Variants in MAPK10 observed in about 807,000 individuals in gnomAD.
The protein encoded by MAPK10 is JNK3 alpha protein kinase.
Under a neutral mutation model 59.3 loss-of-function variants are expected in MAPK10, and 25 were observed. The ratio of observed to expected loss-of-function variants is 0.42; its 90% CI spans 0.31 to 0.59. The LOEUF is 0.59. MAPK10 is among the 20% of genes least tolerant of loss of function. The pLI, the probability that MAPK10 is intolerant of heterozygous loss-of-function variation, is 0.15. For missense variants in MAPK10, 351 were observed against 568.9 expected (o/e 0.62, Z 3.90); for synonymous variants, 190 against 200.5 (o/e 0.95, Z 0.44).
rs777159973 is a variant in MAPK10, at chr4:86,194,288, A to G, written c.66+48T>C. Reference sequence around the variant, plus strand: ...ATGCAAATGGTATGTCAAAGTGGAAATACAAGGGAATATACTGTACCTTGT... The same window carrying G: ...ATGCAAATGGTATGTCAAAGTGGAAGTACAAGGGAATATACTGTACCTTGT... On this transcript the variant is annotated intron_variant, in intron 3 of 13. Coordinates refer to ENST00000641462, the MANE Select transcript of MAPK10 (RefSeq NM_138982.4). 4 of 1,407,336 alleles carry G rather than the reference A, an allele frequency of 2.8e-6. No individual in the cohort carries two copies. In the Admixed American group the frequency reaches 6.9e-5, roughly 24 times the overall value. The allele number at this position is 1,407,336 out of a possible 1,614,324, so 87.2% of individuals were successfully genotyped here. A position where few individuals can be genotyped will look rare whatever the true frequency, so the allele number is the denominator to read the frequency against.
chr4:86,216,641 A>C (rs1216683222), intron 2 of MAPK10, among the ~76,000 whole-genome samples: 1 of 151,994 alleles, frequency 6.6e-6, no homozygotes, highest in Non-Finnish European at 1.5e-5. Context: ...TAATAAAATA[A>C]TAGAAACACT....
In MAPK10 at chr4:86,101,952, A is replaced by T; in HGVS notation, c.506T>A (p.Leu169Gln). The change falls in exon 7 of 14, where the codon CTG (leucine) becomes CAG (glutamine). Residue 169 changes from leucine to glutamine, a missense_variant. Physicochemically the swap from Leu to Gln is moderately radical, Grantham distance 113 (BLOSUM62 -2). Coordinates refer to ENST00000641462, the MANE Select transcript of MAPK10 (RefSeq NM_138982.4). ...MELDHERMSY[L>Q]LYQMLCGIKH... is the part of the protein sequence containing the mutation. Reference sequence around the variant, plus strand: ...AATGCCACACAACATTTGGTACAGCAGGTAAGACATTCGCTCATGGTCTAA... The same window carrying T: ...AATGCCACACAACATTTGGTACAGCTGGTAAGACATTCGCTCATGGTCTAA... 6.2e-7 allele frequency: 1 copy of T among 1,614,050 alleles called. No homozygotes were observed. The highest frequency in any genetic ancestry group is 8.5e-7 in the Non-Finnish European group (1 of 1,179,908).
intron 1 of MAPK10, among the ~76,000 whole-genome samples, chr4:86,400,416 CCTCTCTCTCTTTCTCTCTCTCCCT>C (rs1340815972): frequency 5.9e-5 from 9 of 151,650 alleles, no homozygotes; most frequent in African/African-American, 1.9e-4. Flanking sequence ...TTTTCTGGTT[CCTCTCTCTCTTTCTCTCTCTCCCT>C]CTCTCTCTCT....
chr4:86,097,666 A>C (rs1053438313), intron 9 of MAPK10, among the ~76,000 whole-genome samples: 3 of 152,034 alleles, frequency 2.0e-5, no homozygotes, highest in African/African-American at 7.2e-5. Context: ...TGTATTTTTA[A>C]AAGTATATTA....
rs927930955 is a variant in MAPK10, at chr4:86,022,134, C to T, written c.1253-4764G>A. On this transcript the variant is annotated intron_variant, in intron 13 of 13. Coordinates refer to ENST00000641462, the MANE Select transcript of MAPK10 (RefSeq NM_138982.4). ...AGGCAGGGGAGGTGCCGAGAGCAAG[C>T]GAGGGCTCTGAGGACTGCCAGCACG... Among the ~76,000 whole-genome samples the T allele has an allele frequency of 5.9e-5, 9 of 152,334 alleles. No individual in the cohort carries two copies. In the South Asian group the frequency reaches 6.2e-4, roughly 11 times the overall value.
chr4:86,525,069 G>A (rs1346075487), intron 1 of MAPK10, among the ~76,000 whole-genome samples: 1 of 152,048 alleles, frequency 6.6e-6, no homozygotes, highest in Admixed American at 6.6e-5. Flanking sequence ...AGGCTGACAC[G>A]GGCAGATCGC....
intron 13 of MAPK10, 90 bp downstream of exon 13, chr4:86,029,107 G>T: frequency 1.2e-6 from 1 of 826,856 alleles, no homozygotes; most frequent in Non-Finnish European, 2.1e-6. Context: ...TGCTCTTTAA[G>T]CAATGTTATG....
At position 86,487,362 on chromosome 4, in the gene MAPK10, A is replaced by AGTGTGTGTGTGTGT. The variant is rs35053159; in HGVS notation, c.-263+106534_-263+106547dup. Among the ~76,000 whole-genome samples, 379 of 148,814 alleles carry AGTGTGTGTGTGTGT rather than the reference A, an allele frequency of 2.5e-3. 1 individual carries two copies. The highest frequency in any genetic ancestry group is 5.6e-3 in the East Asian group (28 of 5,028). ...AATAGTTCATAAAAGAGAGAGAGAG[A>AGTGTGTGTGTGTGT]GTGTGTGTGTGTGTGTGTGTGTAGA... On this transcript the variant is annotated intron_variant, in intron 1 of 4. Transcript: ENST00000502302.
chr4:86,076,169 G>A (rs2049368958), intron 9 of MAPK10, among the ~76,000 whole-genome samples: 1 of 152,190 alleles, frequency 6.6e-6, no homozygotes, highest in South Asian at 2.1e-4. Context: ...AGGTGCGTCT[G>A]TCACCCGTTT....
chr4:86,013,544 T>A lies in MAPK10; in HGVS notation c.*3684A>T, dbSNP rs1192006053. On this transcript the variant is annotated 3_prime_UTR_variant, in exon 14 of 14. Coordinates refer to ENST00000641462, the MANE Select transcript of MAPK10 (RefSeq NM_138982.4). ...GAGATTCAAATCGAAATAGATTTTG[T>A]ATAATTTAGGTTTTGCAATGAATAT... 6.6e-6 allele frequency: 1 copy of A among 152,244 alleles called. No homozygotes were observed. The highest frequency in any genetic ancestry group is 1.5e-5 in the Non-Finnish European group (1 of 68,034). The allele number at this position is 152,244 out of a possible 1,614,324, so 9.4% of individuals were successfully genotyped here. A position where few individuals can be genotyped will look rare whatever the true frequency, so the allele number is the denominator to read the frequency against.
chr4:86,458,836 C>T (rs12501614), intron 1 of MAPK10, among the ~76,000 whole-genome samples: 1,780 of 152,110 alleles, frequency 0.012, 11 homozygotes, highest in Non-Finnish European at 0.014. Context: ...TTGGAAAAAC[C>T]CTTCTAGACA....
chr4:86,386,578 CAG>C (rs2149005362), intron 1 of MAPK10, among the ~76,000 whole-genome samples: 1 of 151,262 alleles, frequency 6.6e-6, no homozygotes, highest in African/African-American at 2.4e-5. Context: ...ATCTGCTTTT[CAG>C]AGTTTTTTTT....
At chr4:86,209,051 C>G (rs1479578102) in intron 2 of MAPK10, among the ~76,000 whole-genome samples, 1 of 151,888 alleles carries the variant, frequency 6.6e-6, no homozygotes, top group Non-Finnish European at 1.5e-5. Flanking sequence ...GTGAACTAAA[C>G]AAATCAATGG....
chr4:86,206,979 T>C (rs548661507), intron 2 of MAPK10, among the ~76,000 whole-genome samples: 1 of 152,196 alleles, frequency 6.6e-6, no homozygotes, highest in African/African-American at 2.4e-5. Context: ...GCGAAAATTT[T>C]CTCCCATTTT....
intron 4 of MAPK10, among the ~76,000 whole-genome samples, chr4:86,137,225 A>G (rs549835104): frequency 6.6e-6 from 1 of 152,074 alleles, no homozygotes; most frequent in East Asian, 1.9e-4. Context: ...TAATCAACAG[A>G]ATATACATTT....
chr4:86,563,652 A>T (rs191673968), intron 1 of MAPK10, among the ~76,000 whole-genome samples: 16 of 152,262 alleles, frequency 1.1e-4, no homozygotes, highest in Non-Finnish European at 2.2e-4. Flanking sequence ...GTACTGAATC[A>T]TATATATAGT....
At chr4:86,350,781 A>G (rs189810637) in intron 2 of MAPK10, among the ~76,000 whole-genome samples, 120 of 152,332 alleles carry the variant, frequency 7.9e-4, no homozygotes, top group Admixed American at 1.4e-3. Context: ...CTTCACTGGT[A>G]GAATAATGGA....
intron 4 of MAPK10, among the ~76,000 whole-genome samples, chr4:86,146,276 T>A (rs1421672429): frequency 6.6e-6 from 1 of 152,182 alleles, no homozygotes. Context: ...CTGACAGTCT[T>A]CCTTATGGAG....
At chr4:86,097,832 G>T (rs984820469) in intron 9 of MAPK10, among the ~76,000 whole-genome samples, 6 of 151,974 alleles carry the variant, frequency 3.9e-5, no homozygotes, top group African/African-American at 1.4e-4. Flanking sequence ...GGACTCTATT[G>T]CAGGACTCAG....
Sources: allele counts gnomAD v4.1 joint callset (sites outside exome capture counted in the v4.1 genomes callset), GRCh38; gene constraint gnomAD v4.1.1; transcripts MANE v1.5; gene names NCBI Gene and HGNC (gene_info 2026-07-23, HGNC 2026-07-21).